Variants in FBN2 observed in about 807,000 individuals in gnomAD.
The protein encoded by FBN2 is fibrillin-2.
Under a neutral mutation model 355.6 loss-of-function variants are expected in FBN2, and 105 were observed. The ratio of observed to expected loss-of-function variants is 0.30; its 90% CI spans 0.25 to 0.35. The LOEUF is 0.35. Ranked by LOEUF, FBN2 falls within the 10% of genes least tolerant of loss-of-function variation. The pLI, the probability that FBN2 is intolerant of heterozygous loss-of-function variation, is 1.00. For missense variants in FBN2, 3,280 were observed against 3,758.7 expected (o/e 0.87, Z 3.33); for synonymous variants, 1,350 against 1,301.2 (o/e 1.04, Z -0.81).
intron 11 of FBN2, among the ~76,000 whole-genome samples, chr5:128,390,007 G>C (rs1752468032): frequency 6.6e-6 from 1 of 152,014 alleles, no homozygotes; most frequent in African/African-American, 2.4e-5. Flanking sequence ...TTTCTCTATG[G>C]AGTTTTTTTT....
rs748051713 is a variant in FBN2 at position 128,392,068 on chromosome 5, C to A, written c.1553G>T (p.Arg518Leu). 2.5e-6 allele frequency: 4 copies of A among 1,613,448 alleles called. No homozygotes were observed. Among genetic ancestry groups the A allele is most frequent in the East Asian group, 2.2e-5 (1 of 44,822 alleles). ...GRCIPTVSSYRCECNMGYKQD... is the reference protein window; with the variant it reads ...GRCIPTVSSYLCECNMGYKQD... ...CTTATAACCCATGTTGCATTCACAT[C>A]GGTAGCTTGAGACAGTTGGTATACA... Residue 518 changes from arginine (R) to leucine (L), a missense_variant, in exon 11 of 65, where the codon CGA (arginine) becomes CTA (leucine). Arg to Leu is a moderately radical substitution (Grantham distance 102, BLOSUM62 -2). Around this residue, in one of 6 missense-constraint regions of FBN2, gnomAD observed 2,284 missense variants for 2,749.5 expected, o/e 0.83. Coordinates refer to ENST00000262464, the MANE Select transcript of FBN2 (RefSeq NM_001999.4).
chr5:128,333,120 T>C (rs914567307), intron 31 of FBN2, 86 bp from the exon 32 acceptor site: 1 of 1,245,712 alleles, frequency 8.0e-7, no homozygotes, highest in Non-Finnish European at 1.2e-6. Context: ...AGGTAACATT[T>C]TAAAGTAAAG....
intron 2 of FBN2, among the ~76,000 whole-genome samples, chr5:128,535,897 G>A (rs1313929473): frequency 6.6e-6 from 1 of 151,036 alleles, no homozygotes; most frequent in Non-Finnish European, 1.5e-5. Context: ...CACTAAATCC[G>A]CGAGAATGCT....
intron 1 of FBN2, among the ~76,000 whole-genome samples, chr5:128,536,948 C>T (rs1225317674): frequency 6.6e-6 from 1 of 152,076 alleles, no homozygotes; most frequent in Non-Finnish European, 1.5e-5. Flanking sequence ...ACCCTGCACA[C>T]GTCCTCAAAC....
intron 8 of FBN2, among the ~76,000 whole-genome samples, chr5:128,405,178 G>T (rs1457316520): frequency 7.2e-5 from 11 of 152,130 alleles, no homozygotes; most frequent in African/African-American, 2.7e-4. Context: ...GGGTGACACA[G>T]CTAGACTCCA....
rs532802493 is a variant in FBN2 at position 128,375,535 on chromosome 5, G to A, written c.1973-785C>T. ...CAAAACTACAGTACTCCTCCTTCTT[G>A]GAGAGTCAAAAATTTGTTTCTTACT... On this transcript the variant is annotated intron_variant, in intron 14 of 64. Coordinates refer to ENST00000262464, the MANE Select transcript of FBN2 (RefSeq NM_001999.4). Among the ~76,000 whole-genome samples, 4 of 152,108 alleles carry A rather than the reference G, an allele frequency of 2.6e-5. No individual in the cohort carries two copies. In the South Asian group the frequency reaches 6.2e-4, roughly 24 times the overall value.
intron 33 of FBN2, among the ~76,000 whole-genome samples, chr5:128,329,927 G>A (rs983166568): frequency 1.3e-5 from 2 of 152,142 alleles, no homozygotes; most frequent in African/African-American, 4.8e-5. Flanking sequence ...TCCTCAAAGA[G>A]TATGAATGAA....
intron 5 of FBN2, among the ~76,000 whole-genome samples, chr5:128,485,606 C>A (rs1457175392): frequency 6.6e-6 from 1 of 151,926 alleles, no homozygotes; most frequent in Non-Finnish European, 1.5e-5. Flanking sequence ...AAATATAAAA[C>A]AATGATATAT....
At chr5:128,502,072 C>G (rs1291796554) in intron 5 of FBN2, among the ~76,000 whole-genome samples, 1 of 151,708 alleles carries the variant, frequency 6.6e-6, no homozygotes, top group Non-Finnish European at 1.5e-5. Context: ...CAGGAAAAAA[C>G]AGCAAGTGAC....
At chr5:128,444,660 C>G (rs986473846) in intron 7 of FBN2, among the ~76,000 whole-genome samples, 1 of 152,194 alleles carries the variant, frequency 6.6e-6, no homozygotes, top group Non-Finnish European at 1.5e-5. Context: ...TACGTGCTAT[C>G]AATGTCCCTC....
intron 44 of FBN2, 127 bp from the exon 45 acceptor site, chr5:128,305,209 A>T: frequency 1.1e-6 from 1 of 913,752 alleles, no homozygotes; most frequent in Non-Finnish European, 1.7e-6. Flanking sequence ...CCATAACAAC[A>T]GCTGAATCAA....
At chr5:128,315,873 T>C (rs183647645) in intron 36 of FBN2, among the ~76,000 whole-genome samples, 69 of 152,328 alleles carry the variant, frequency 4.5e-4, no homozygotes, top group African/African-American at 1.6e-3. Context: ...ACTTGCTGAT[T>C]CTGAAGTTTG....
chr5:128,512,611 C>A lies in FBN2; in HGVS notation c.628+6662G>T, dbSNP rs73334144. The stretch of plus-strand genomic sequence containing the variant: ...CAGTTAACTCTGTGCTAGACACAGG[C>A]CACGGCACTTCATTTCTTGTTTAAA... On this transcript the variant is annotated intron_variant, in intron 5 of 64. Transcript: ENST00000262464. Among the ~76,000 whole-genome samples the A allele has an allele frequency of 6.2e-3, 941 of 151,642 alleles. 11 individuals are homozygous for A. Among genetic ancestry groups the A allele is most frequent in the African/African-American group, 0.022 (891 of 41,392 alleles).
chr5:128,343,842 A>G (rs908071043), intron 25 of FBN2, among the ~76,000 whole-genome samples: 1 of 152,164 alleles, frequency 6.6e-6, no homozygotes, highest in African/African-American at 2.4e-5. Flanking sequence ...TGCTGTTCCT[A>G]AATATAAAAC....
chr5:128,278,463 T>C (rs1765450162), intron 57 of FBN2, among the ~76,000 whole-genome samples, 172 bp downstream of exon 57: 1 of 152,222 alleles, frequency 6.6e-6, no homozygotes, highest in Admixed American at 6.5e-5. Flanking sequence ...TTAGCAAAGA[T>C]TATTCTTTCT....
At chr5:128,277,576 T>C (rs1167413423) in intron 58 of FBN2, among the ~76,000 whole-genome samples, 8 of 152,200 alleles carry the variant, frequency 5.3e-5, no homozygotes, top group Non-Finnish European at 1.2e-4. Flanking sequence ...ATTTGTGATT[T>C]TTGTTTCTCA....
At chr5:128,356,691 T>C (rs1751512721) in intron 20 of FBN2, among the ~76,000 whole-genome samples, 1 of 152,238 alleles carries the variant, frequency 6.6e-6, no homozygotes, top group Admixed American at 6.5e-5. Context: ...TATCAAGAAC[T>C]GACTTTAAAT....
chr5:128,489,412 T>G (rs970485343), intron 5 of FBN2, among the ~76,000 whole-genome samples: 1 of 150,208 alleles, frequency 6.7e-6, no homozygotes, highest in Non-Finnish European at 1.5e-5. Context: ...TGTTTCTTCT[T>G]ATTTGAATTT....
chr5:128,470,879 G>A (rs535440118), intron 5 of FBN2, among the ~76,000 whole-genome samples: 2 of 152,132 alleles, frequency 1.3e-5, no homozygotes, highest in Non-Finnish European at 2.9e-5. Context: ...ATACTTTAAT[G>A]TAAATGTCAT....
Sources: gnomAD v4.1 joint callset for allele counts (sites outside exome capture counted in the v4.1 genomes callset) on GRCh38, gnomAD v4.1.1 for gene constraint, gnomAD v4.1.1 regional missense constraint, MANE v1.5 for transcripts, NCBI Gene and HGNC (gene_info 2026-07-23, HGNC 2026-07-21) for gene names.